The following EFCAB8 variants were observed in gnomAD, a reference collection of about 807,000 sequenced individuals.
EFCAB8 encodes EF-hand calcium binding domain 8, also known as EF-hand calcium-binding domain-containing protein 8.
A neutral mutation model predicts 116.3 loss-of-function variants in EFCAB8; 100 were observed. The observed-to-expected ratio is 0.86, with a 90% confidence interval of 0.73 to 1.02. EFCAB8 has a LOEUF of 1.02. Among genes scored for constraint, EFCAB8 ranks in the 50% least tolerant of loss-of-function variants. The probability of loss-of-function intolerance (pLI) is 0.00; values close to 1 mark genes in which losing one functional copy is unlikely to be tolerated. For missense variants in EFCAB8, 1,320 were observed against 1,416.9 expected (o/e 0.93, Z 1.10); for synonymous variants, 558 against 567.9 (o/e 0.98, Z 0.25).
chr20:32,875,108 A>G (rs1419072321), intron 3 of EFCAB8, among the ~76,000 whole-genome samples: 1 of 152,072 alleles, frequency 6.6e-6, no homozygotes, highest in African/African-American at 2.4e-5. Context: ...TGTTAATTGT[A>G]TGGAAATGGG....
intron 3 of EFCAB8, among the ~76,000 whole-genome samples, chr20:32,875,036 A>G (rs772528125): frequency 1.3e-5 from 2 of 152,214 alleles, no homozygotes; most frequent in African/African-American, 4.8e-5. Flanking sequence ...GGCGTGAGCC[A>G]CCGTGCCTGG....
At position 32,878,765 on chromosome 20, in the gene EFCAB8, A is replaced by G. The variant is rs1402277455; in HGVS notation, c.389A>G (p.Gln130Arg). The G allele has an allele frequency of 2.6e-6, 4 of 1,552,036 alleles. No homozygotes were observed. The East Asian group carries it at 9.8e-5, about 38-fold the overall frequency. ...GGAAAAGAGGACATGCGAAAGAGCC[A>G]GTACCGCCTGCACTTCTACCTTCCC... The part of the protein sequence containing the change: ...FQGKEDMRKS[Q>R]YRLHFYLPMT... The change falls in exon 5 of 27, where the codon CAG (glutamine) becomes CGG (arginine). Residue 130 changes from glutamine to arginine, a missense_variant. Transcript: ENST00000400522.
At chr20:32,960,597 AGG>A (rs2146309197) in intron 26 of EFCAB8, among the ~76,000 whole-genome samples, 1 of 152,392 alleles carries the variant, frequency 6.6e-6, no homozygotes, top group South Asian at 2.1e-4. Flanking sequence ...GCTCTCCATC[AGG>A]GACAGAAAGG....
chr20:32,861,375 G>A (rs1223896643), intron 1 of EFCAB8, among the ~76,000 whole-genome samples: 1 of 152,030 alleles, frequency 6.6e-6, no homozygotes, highest in South Asian at 2.1e-4. Context: ...CGCAACCTCC[G>A]CCTCCTGGAT....
intron 6 of EFCAB8, among the ~76,000 whole-genome samples, chr20:32,888,542 G>T (rs1199640292): frequency 6.6e-6 from 1 of 151,970 alleles, no homozygotes; most frequent in Admixed American, 6.6e-5. Context: ...ATTTTGTAGA[G>T]ATGGGGTCTC....
chr20:32,935,171 CTTTTCTTTCTTTCTT>C (rs1223474331), intron 22 of EFCAB8, among the ~76,000 whole-genome samples: 28 of 87,736 alleles, frequency 3.2e-4, no homozygotes, highest in African/African-American at 1.0e-3. Flanking sequence ...CTTCTCTTCT[CTTTTCTTTCTTTCTT>C]TCTTTCTTTT....
intron 3 of EFCAB8, among the ~76,000 whole-genome samples, chr20:32,868,927 G>A (rs1399103404): frequency 2.0e-5 from 3 of 152,040 alleles, no homozygotes; most frequent in Admixed American, 2.0e-4. Context: ...AGAGGTTGCA[G>A]TGAGCCAAGG....
intron 23 of EFCAB8, among the ~76,000 whole-genome samples, chr20:32,949,418 T>C (rs988507704): frequency 7.2e-5 from 11 of 152,196 alleles, no homozygotes; most frequent in Non-Finnish European, 1.2e-4. Context: ...ACACACTGAT[T>C]CTAAAATTTA....
At chr20:32,898,941 C>T (rs535643742) in intron 11 of EFCAB8, among the ~76,000 whole-genome samples, 5 of 152,322 alleles carry the variant, frequency 3.3e-5, no homozygotes, top group East Asian at 1.9e-4. Flanking sequence ...TGTGAAAGCA[C>T]GTACCTCACT....
In EFCAB8 at chr20:32,936,723, A is replaced by G. The variant is rs116244843; in HGVS notation, c.2790+5387A>G. Among the ~76,000 whole-genome samples, 431 of 152,304 alleles carry G rather than the reference A, an allele frequency of 2.8e-3. 3 individuals carry two copies. The highest frequency in any genetic ancestry group is 0.01 in the African/African-American group (416 of 41,584). ...GTTTTGATTATATTAGCTTTATAAT[A>G]TATTTTGAAATCAGGGACTGTGATG... On this transcript the variant is annotated intron_variant, in intron 22 of 26. Transcript: ENST00000400522.
In EFCAB8 at chr20:32,861,726, C is replaced by G. The variant is rs34805035; in HGVS notation, c.-10-2057C>G. Among the ~76,000 whole-genome samples the G allele has an allele frequency of 7.8e-3, 1,190 of 152,250 alleles. 10 individuals are homozygous for G. The highest frequency in any genetic ancestry group is 0.011 in the Non-Finnish European group (772 of 68,024). Reference sequence around the variant, plus strand: ...CCAGCCTGGGCAACATTGCAAGACCCCATCTCAAAAGATCGCCATGAACCC... The same window carrying G: ...CCAGCCTGGGCAACATTGCAAGACCGCATCTCAAAAGATCGCCATGAACCC... On this transcript the variant is annotated intron_variant, in intron 1 of 26. Coordinates refer to ENST00000400522, the MANE Select transcript of EFCAB8 (RefSeq NM_001143967.2).
intron 1 of EFCAB8, among the ~76,000 whole-genome samples, chr20:32,861,897 A>G (rs73262379): frequency 0.012 from 1,823 of 150,758 alleles, 27 homozygotes; most frequent in African/African-American, 0.041. Context: ...ATGCACATGC[A>G]TATATTCTTA....
Position 32,908,310 on chromosome 20 carries a change from C to T in EFCAB8, c.1344C>T (p.Cys448=), listed in dbSNP as rs1368901819. 8.0e-7 allele frequency: 1 copy of T among 1,249,834 alleles called. No homozygotes were observed. Among genetic ancestry groups the T allele is most frequent in the Non-Finnish European group, 1.0e-6 (1 of 988,264 alleles). 77.4% of individuals were successfully genotyped at this position (1,249,834 alleles called of 1,614,324 possible). The change falls in exon 14 of 27, where the codon TGC becomes TGT. Residue 448 remains cysteine, a synonymous_variant. Coordinates refer to ENST00000400522, the MANE Select transcript of EFCAB8 (RefSeq NM_001143967.2). The part of the protein sequence containing the change: ...IRVWDMLDYI[C]LQSFCGKFFA... Reference sequence around the variant, plus strand: ...TGTGGGACATGCTGGACTACATATGCCTCCAGTCCTTCTGTGGGAAGTTTT... The same window carrying T: ...TGTGGGACATGCTGGACTACATATGTCTCCAGTCCTTCTGTGGGAAGTTTT...
intron 4 of EFCAB8, among the ~76,000 whole-genome samples, chr20:32,876,850 C>A (rs2146188469): frequency 6.6e-6 from 1 of 152,218 alleles, no homozygotes; most frequent in Admixed American, 6.5e-5. Context: ...CGCCTATAGT[C>A]CCAGCTATTT....
rs138542119 is a variant in EFCAB8, at chr20:32,888,219, G to A, written c.568-1082G>A. 4.1e-3 allele frequency among the ~76,000 whole-genome samples: 616 copies of A among 151,124 alleles called. 5 individuals carry two copies. The highest frequency in any genetic ancestry group is 0.014 in the African/African-American group (595 of 41,148). On this transcript the variant is annotated intron_variant, in intron 6 of 26. Transcript: ENST00000400522. The stretch of plus-strand genomic sequence containing the variant: ...GCTGGGACTACAGGCATGCACCACC[G>A]TGTCCAGCTAATTTTTTCTTTTTTG...
At chr20:32,881,147 C>T (rs1456757689) in intron 5 of EFCAB8, among the ~76,000 whole-genome samples, 2 of 152,182 alleles carry the variant, frequency 1.3e-5, no homozygotes, top group African/African-American at 4.8e-5. Context: ...GGCAAATAAA[C>T]CTCTCAGGCA....
At chr20:32,892,652 G>T (rs977529542) in intron 8 of EFCAB8, among the ~76,000 whole-genome samples, 1 of 152,160 alleles carries the variant, frequency 6.6e-6, no homozygotes, top group East Asian at 1.9e-4. Flanking sequence ...CATTTATTTT[G>T]ATTGAGAAAA....
intron 20 of EFCAB8, among the ~76,000 whole-genome samples, chr20:32,929,071 A>G (rs1002571310): frequency 3.9e-5 from 6 of 152,106 alleles, no homozygotes; most frequent in African/African-American, 1.2e-4. Flanking sequence ...ATGCTACTGA[A>G]TGCAGTTTGC....
chr20:32,960,804 G>C (rs1333754171), intron 26 of EFCAB8, among the ~76,000 whole-genome samples: 12 of 152,230 alleles, frequency 7.9e-5, no homozygotes, highest in Admixed American at 7.8e-4. Context: ...GTGTGAGATG[G>C]ATTGCTCCAA....
Sources: allele counts gnomAD v4.1 joint callset (sites outside exome capture counted in the v4.1 genomes callset), GRCh38; gene constraint gnomAD v4.1.1; transcripts MANE v1.5; gene names NCBI Gene and HGNC (gene_info 2026-07-23, HGNC 2026-07-21).